EPB41L4A: variants seen among roughly 807,000 people sequenced by gnomAD.
EPB41L4A encodes erythrocyte membrane protein band 4.1 like 4A.
Under a neutral mutation model 108.6 loss-of-function variants are expected in EPB41L4A, and 100 were observed. The ratio of observed to expected loss-of-function variants is 0.92; its 90% confidence interval spans 0.78 to 1.09. The LOEUF (loss-of-function observed/expected upper bound fraction) is 1.09, where lower values mean the gene tolerates loss of function less well. Ranked by LOEUF, EPB41L4A falls within the 50% of genes least tolerant of loss-of-function variation. The probability of loss-of-function intolerance (pLI) is 0.00; values close to 1 mark genes in which losing one functional copy is unlikely to be tolerated. For synonymous variants in EPB41L4A, 319 were observed against 289.0 expected (o/e 1.10, Z -1.05); for missense variants, 1,030 against 842.7 (o/e 1.22, Z -2.75).
intron 1 of EPB41L4A, among the ~76,000 whole-genome samples, chr5:112,400,890 A>C (rs954253950): frequency 6.6e-6 from 1 of 152,228 alleles, no homozygotes; most frequent in African/African-American, 2.4e-5. Flanking sequence ...GAGTGCAAGT[A>C]CTGTTAAAAC....
chr5:112,279,934 CA>C (rs1265086350), intron 3 of EPB41L4A, among the ~76,000 whole-genome samples: 1 of 151,570 alleles, frequency 6.6e-6, no homozygotes, highest in African/African-American at 2.4e-5. Context: ...CCCATCCCTG[CA>C]GCCCACCTAC....
intron 1 of EPB41L4A, among the ~76,000 whole-genome samples, chr5:112,391,163 TCTC>T (rs1461965978): frequency 1.3e-5 from 2 of 152,076 alleles, no homozygotes; most frequent in African/African-American, 2.4e-5. Context: ...GAGCGCCTCT[TCTC>T]CTCCAAAGGA....
chr5:112,267,761 G>A (rs1260766900), intron 4 of EPB41L4A, among the ~76,000 whole-genome samples: 4 of 151,518 alleles, frequency 2.6e-5, no homozygotes, highest in Admixed American at 2.6e-4. Context: ...ATGTAAACAG[G>A]ATCATGTCAC....
chr5:112,278,628 T>G (rs1338112251), intron 3 of EPB41L4A, among the ~76,000 whole-genome samples: 1 of 152,174 alleles, frequency 6.6e-6, no homozygotes, highest in African/African-American at 2.4e-5. Flanking sequence ...AAATATTTCA[T>G]ACCATGTAAA....
chr5:112,373,659 G>A (rs1759632417), intron 1 of EPB41L4A, among the ~76,000 whole-genome samples: 1 of 152,206 alleles, frequency 6.6e-6, no homozygotes, highest in Non-Finnish European at 1.5e-5. Flanking sequence ...TGCCCAGCCA[G>A]CAAGTGGCAG....
At chr5:112,145,162 A>C (rs112564823) in intron 13 of EPB41L4A, among the ~76,000 whole-genome samples, 1 of 151,994 alleles carries the variant, frequency 6.6e-6, no homozygotes, top group African/African-American at 2.4e-5. Flanking sequence ...TGGTGGCACA[A>C]ACCTGTAATC....
chr5:112,306,127 A>G (rs1383925504), intron 2 of EPB41L4A, among the ~76,000 whole-genome samples: 2 of 152,168 alleles, frequency 1.3e-5, no homozygotes, highest in Middle Eastern at 3.2e-3. Context: ...GACATAGTAG[A>G]TAAGATCAGA....
At chr5:112,368,669 G>A (rs1170636734) in intron 1 of EPB41L4A, among the ~76,000 whole-genome samples, 1 of 152,000 alleles carries the variant, frequency 6.6e-6, no homozygotes, top group Non-Finnish European at 1.5e-5. Flanking sequence ...ACATCCACTA[G>A]ATACATTTCA....
intron 2 of EPB41L4A, among the ~76,000 whole-genome samples, chr5:112,303,853 G>T (rs952119821): frequency 1.1e-4 from 16 of 152,140 alleles, no homozygotes; most frequent in African/African-American, 3.6e-4. Flanking sequence ...AGGAGCCAAA[G>T]ACAGCAGCAG....
intron 1 of EPB41L4A, among the ~76,000 whole-genome samples, chr5:112,347,502 G>C (rs1757757658): frequency 6.6e-6 from 1 of 151,964 alleles, no homozygotes; most frequent in Non-Finnish European, 1.5e-5. Context: ...ATATACTATG[G>C]GCATGACTTT....
At chr5:112,222,078 T>G (rs140805278) in intron 12 of EPB41L4A, among the ~76,000 whole-genome samples, 352 of 152,334 alleles carry the variant, frequency 2.3e-3, no homozygotes, top group African/African-American at 8.1e-3. Flanking sequence ...CTCTCTTGGC[T>G]AGGTAAGATG....
chr5:112,205,223 T>C (rs1449467536), intron 14 of EPB41L4A, among the ~76,000 whole-genome samples, 198 bp downstream of exon 14: 2 of 152,084 alleles, frequency 1.3e-5, no homozygotes, highest in Non-Finnish European at 2.9e-5. Flanking sequence ...AAAAGTTTCA[T>C]GTTATAAAAC....
intron 9 of EPB41L4A, among the ~76,000 whole-genome samples, chr5:112,242,454 T>G (rs563049178): frequency 6.6e-6 from 1 of 152,372 alleles, no homozygotes; most frequent in South Asian, 2.1e-4. Flanking sequence ...TCACTTCTAA[T>G]TCTAGTTTTC....
intron 13 of EPB41L4A, among the ~76,000 whole-genome samples, chr5:112,206,548 T>C (rs925444309): frequency 6.6e-6 from 1 of 152,160 alleles, no homozygotes; most frequent in African/African-American, 2.4e-5. Flanking sequence ...GCTTACCTTT[T>C]GAAATGATGA....
Position 112,245,587 on chromosome 5 carries a change from G to A in EPB41L4A, c.796-4777C>T, listed in dbSNP as rs145346759. 1.8e-4 allele frequency among the ~76,000 whole-genome samples: 28 copies of A among 152,306 alleles called. 1 individual carries two copies. The East Asian group carries it at 5.2e-3, about 28-fold the overall frequency. Reference sequence around the variant, plus strand: ...GAACATTTTCAGGTTTCTGGCTCGGGTGCTACTAAAATATAGCAAGTGGAA... The same window carrying A: ...GAACATTTTCAGGTTTCTGGCTCGGATGCTACTAAAATATAGCAAGTGGAA... On this transcript the variant is annotated intron_variant, in intron 9 of 22. Coordinates refer to ENST00000261486, the MANE Select transcript of EPB41L4A (RefSeq NM_022140.5).
chr5:112,251,641 C>T (rs771614114), intron 9 of EPB41L4A, among the ~76,000 whole-genome samples: 10 of 152,074 alleles, frequency 6.6e-5, no homozygotes, highest in Non-Finnish European at 1.3e-4. Flanking sequence ...AAGTTGGTTA[C>T]CTACAAGGAA....
At chr5:112,373,751 G>T (rs10478083) in intron 1 of EPB41L4A, among the ~76,000 whole-genome samples, 8,369 of 152,214 alleles carry the variant, frequency 0.055, 477 homozygotes, top group African/African-American at 0.14. Context: ...TTCAAAGTCA[G>T]GTGCTTCAGG....
At position 112,232,128 on chromosome 5, in the gene EPB41L4A, A is replaced by AAGAG. The variant is rs1170094950; in HGVS notation, c.1087+2502_1087+2505dup. On this transcript the variant is annotated intron_variant, in intron 12 of 22. Coordinates refer to ENST00000261486, the MANE Select transcript of EPB41L4A (RefSeq NM_022140.5). ...AACCTTGTCTCAAAAAAAAAAAAAA[A>AAGAG]AGAGAGAGAGAGAGAGAGAGAGATC... Among the ~76,000 whole-genome samples the AAGAG allele has an allele frequency of 5.4e-3, 780 of 145,348 alleles. 12 individuals carry two copies. The highest frequency in any genetic ancestry group is 0.018 in the African/African-American group (718 of 38,888).
intron 18 of EPB41L4A, among the ~76,000 whole-genome samples, chr5:112,182,754 T>A (rs1761220518): frequency 6.6e-6 from 1 of 152,186 alleles, no homozygotes; most frequent in Non-Finnish European, 1.5e-5. Context: ...GGTAAAGTCC[T>A]TCAGTGAGGT....
Sources: allele counts gnomAD v4.1 joint callset (sites outside exome capture counted in the v4.1 genomes callset), GRCh38; gene constraint gnomAD v4.1.1; transcripts MANE v1.5; gene names NCBI Gene and HGNC (gene_info 2026-07-23, HGNC 2026-07-21).